Variants in SGCZ observed in about 807,000 individuals in gnomAD.
SGCZ encodes zeta-sarcoglycan.
Under a neutral mutation model 41.3 loss-of-function variants are expected in SGCZ, and 40 were observed. The ratio of observed to expected loss-of-function variants is 0.97; its 90% CI spans 0.75 to 1.26. SGCZ has a LOEUF of 1.26. SGCZ is among the 50% of genes most tolerant of loss of function. The pLI is 0.00. For missense variants in SGCZ, 552 were observed against 369.8 expected (o/e 1.49, Z -4.04); for synonymous variants, 206 against 137.5 (o/e 1.50, Z -3.49).
At chr8:14,291,124 CACA>C (rs1800826824) in intron 3 of SGCZ, among the ~76,000 whole-genome samples, 1 of 151,936 alleles carries the variant, frequency 6.6e-6, no homozygotes. Context: ...AAGTTTTTAT[CACA>C]AAAGTACAGA....
chr8:14,102,771 G>A (rs1035260406), intron 6 of SGCZ, among the ~76,000 whole-genome samples: 2 of 151,970 alleles, frequency 1.3e-5, no homozygotes, highest in Non-Finnish European at 2.9e-5. Flanking sequence ...TTTGCTTATG[G>A]TTTCTTTTGT....
chr8:14,450,797 A>G (rs1346697892), intron 2 of SGCZ, among the ~76,000 whole-genome samples: 1 of 152,168 alleles, frequency 6.6e-6, no homozygotes, highest in East Asian at 1.9e-4. Flanking sequence ...AGAGCTCTGA[A>G]GTACACACTA....
chr8:15,096,660 TTTTTA>T (rs1474706233), intron 1 of SGCZ, among the ~76,000 whole-genome samples: 2 of 152,100 alleles, frequency 1.3e-5, no homozygotes, highest in African/African-American at 2.4e-5. Context: ...ATCTTTTTAA[TTTTTA>T]TTTTATGTTA....
chr8:14,738,453 A>C (rs1799111093), intron 1 of SGCZ, among the ~76,000 whole-genome samples: 1 of 152,132 alleles, frequency 6.6e-6, no homozygotes, highest in South Asian at 2.1e-4. Flanking sequence ...GATTAAAAAA[A>C]GTTTTTAATT....
chr8:14,313,083 T>A (rs879582471), intron 3 of SGCZ, among the ~76,000 whole-genome samples: 2 of 152,146 alleles, frequency 1.3e-5, no homozygotes, highest in Non-Finnish European at 2.9e-5. Flanking sequence ...TCAGATAAGT[T>A]ACATAACTAC....
At chr8:14,668,323 C>T (rs1807983493) in intron 1 of SGCZ, among the ~76,000 whole-genome samples, 1 of 151,848 alleles carries the variant, frequency 6.6e-6, no homozygotes, top group Non-Finnish European at 1.5e-5. Context: ...GTGATTATAT[C>T]CCACACTTGA....
intron 1 of SGCZ, among the ~76,000 whole-genome samples, chr8:15,075,382 G>C (rs1805493669): frequency 6.6e-6 from 1 of 152,070 alleles, no homozygotes. Context: ...GACATTTTAT[G>C]GGGTCATTTT....
intron 1 of SGCZ, among the ~76,000 whole-genome samples, chr8:14,671,575 G>A (rs1014987060): frequency 3.9e-5 from 6 of 152,034 alleles, no homozygotes; most frequent in African/African-American, 1.4e-4. Flanking sequence ...TTACTTCAGG[G>A]TGCCCAGGTG....
At chr8:14,324,792 C>T (rs1044163442) in intron 2 of SGCZ, among the ~76,000 whole-genome samples, 2 of 152,006 alleles carry the variant, frequency 1.3e-5, no homozygotes, top group African/African-American at 4.8e-5. Context: ...AATAAAATTA[C>T]TAAACAGAGT....
intron 3 of SGCZ, among the ~76,000 whole-genome samples, chr8:14,248,731 A>G (rs542240915): frequency 5.2e-5 from 7 of 133,992 alleles, no homozygotes; most frequent in African/African-American, 1.9e-4. Context: ...TGATAATTAC[A>G]TTTGTACTAG....
chr8:14,673,348 G>A (rs140815955), intron 1 of SGCZ, among the ~76,000 whole-genome samples: 80 of 152,298 alleles, frequency 5.3e-4, no homozygotes, highest in Non-Finnish European at 1.1e-3. Flanking sequence ...CTATTCTCAT[G>A]ATAATGAGGG....
chr8:14,581,772 T>C (rs998214516), intron 1 of SGCZ, among the ~76,000 whole-genome samples: 2 of 152,220 alleles, frequency 1.3e-5, no homozygotes, highest in South Asian at 4.1e-4. Context: ...AAGGGAAATG[T>C]ATCAAATGAA....
chr8:14,090,492 C>T lies in SGCZ; in HGVS notation c.890G>A (p.Gly297Glu). The T allele has an allele frequency of 1.2e-6, 2 of 1,613,014 alleles. No individual in the cohort carries two copies. The highest frequency in any genetic ancestry group is 8.5e-7 in the Non-Finnish European group (1 of 1,179,370). Reference sequence around the variant, plus strand: ...ACTGGACTGACAAGTGGAACCTACTCCTGCTGGAGAAAGGTAAAGTTTGCC... The same window carrying T: ...ACTGGACTGACAAGTGGAACCTACTTCTGCTGGAGAAAGGTAAAGTTTGCC... The part of the protein sequence containing the change: ...PNGKLYLSPA[G>E]VGSTCQSSSN... The change falls in exon 8 of 8, where the codon GGA becomes GAA. Residue 297 changes from glycine (G) to glutamate (E), a missense_variant. By Grantham distance (98) the Gly-to-Glu change is moderately conservative. Transcript: ENST00000382080.
chr8:15,236,225 C>G (rs1802114161), intron 1 of SGCZ, among the ~76,000 whole-genome samples: 1 of 151,658 alleles, frequency 6.6e-6, no homozygotes, highest in South Asian at 2.1e-4. Flanking sequence ...CTGGCAGGCG[C>G]CACTGTTCTC....
chr8:14,291,651 AT>A (rs1251877048), intron 3 of SGCZ, among the ~76,000 whole-genome samples: 1 of 147,310 alleles, frequency 6.8e-6, no homozygotes, highest in African/African-American at 2.5e-5. Context: ...AGACAAAAAA[AT>A]AAAAAGTTCT....
At chr8:14,178,703 CAG>C (rs1563169188) in intron 4 of SGCZ, among the ~76,000 whole-genome samples, 1 of 152,188 alleles carries the variant, frequency 6.6e-6, no homozygotes, top group Non-Finnish European at 1.5e-5. Context: ...AAATGGTTAA[CAG>C]GAGAATAACT....
At chr8:14,197,651 G>C (rs1805309477) in intron 4 of SGCZ, among the ~76,000 whole-genome samples, 2 of 151,862 alleles carry the variant, frequency 1.3e-5, no homozygotes, top group Non-Finnish European at 2.9e-5. Context: ...GGAATGAAAA[G>C]AAATTTCCTC....
chr8:14,401,487 T>C (rs1177392531), intron 2 of SGCZ, among the ~76,000 whole-genome samples: 2 of 135,818 alleles, frequency 1.5e-5, no homozygotes, highest in East Asian at 4.7e-4. Flanking sequence ...CCTTCCTGTG[T>C]CCACGTGATC....
At chr8:14,638,166 G>T (rs959802159) in intron 1 of SGCZ, among the ~76,000 whole-genome samples, 1 of 151,776 alleles carries the variant, frequency 6.6e-6, no homozygotes, top group African/African-American at 2.4e-5. Flanking sequence ...AGAATCCTGA[G>T]ACATAGCCAA....
Sources: allele counts gnomAD v4.1 joint callset (sites outside exome capture counted in the v4.1 genomes callset), GRCh38; gene constraint gnomAD v4.1.1; transcripts MANE v1.5; gene names NCBI Gene and HGNC (gene_info 2026-07-23, HGNC 2026-07-21).